The following PKHD1L1 variants were observed in gnomAD, a reference collection of about 807,000 sequenced individuals.
PKHD1L1 encodes the protein PKHD1 like 1.
PKHD1L1 carries 434 observed loss-of-function variants against 462.9 expected under a neutral mutation model. That is an observed-to-expected ratio of 0.94 (90% confidence interval 0.87 to 1.02). The LOEUF is 1.02. Among genes scored for constraint, PKHD1L1 ranks in the 50% least tolerant of loss-of-function variants. The pLI, the probability that PKHD1L1 is intolerant of heterozygous loss-of-function variation, is 0.00. For missense variants in PKHD1L1, 5,202 were observed against 5,096.1 expected (o/e 1.02, Z -0.63); for synonymous variants, 1,781 against 1,750.0 (o/e 1.02, Z -0.44).
Position 109,454,217 on chromosome 8 carries a change from A to G in PKHD1L1, c.6715A>G (p.Ile2239Val), listed in dbSNP as rs267601717. ...EADIELQAENILITDGGVLQI... is the reference protein window; with the variant it reads ...EADIELQAENVLITDGGVLQI... ...TGACATTGAACTCCAGGCAGAAAAT[A>G]TTCTAATTACAGATGGAGGTGTTCT... The change falls in exon 44 of 78, where the codon ATT becomes GTT. Residue 2239 changes from isoleucine (I) to valine (V), a missense_variant. Physicochemically the swap from Ile to Val is conservative, Grantham distance 29. Transcript: ENST00000378402. The G allele has an allele frequency of 6.2e-7, 1 of 1,608,184 alleles. No homozygotes were observed. Among genetic ancestry groups the G allele is most frequent in the African/African-American group, 1.3e-5 (1 of 74,944 alleles).
At position 109,440,727 on chromosome 8, in the gene PKHD1L1, C is replaced by A; in HGVS notation, c.3974C>A (p.Ser1325Ter). The A allele has an allele frequency of 6.2e-7, 1 of 1,611,034 alleles. No homozygotes were observed. The highest frequency in any genetic ancestry group is 8.5e-7 in the Non-Finnish European group (1 of 1,178,250). ...FASTRDKLNSSIQYVLEVTSM... is the reference protein window; with the variant it reads ...FASTRDKLNS ...TTTCTCAGAGACAAATTAAATTCTT[C>A]AATACAGTATGTTTTAGAAGTGACC... Residue 1325 changes from serine to a stop codon, truncating the protein, a stop_gained, in exon 33 of 78, where the codon TCA becomes TAA. Transcript: ENST00000378402. LOFTEE classifies it high-confidence loss of function.
intron 27 of PKHD1L1, among the ~76,000 whole-genome samples, chr8:109,432,112 GT>G (rs1443194466): frequency 2.0e-5 from 3 of 152,080 alleles, no homozygotes; most frequent in Non-Finnish European, 4.4e-5. Flanking sequence ...TCTGCAAAGT[GT>G]TAGCATCCTT....
intron 13 of PKHD1L1, 68 bp from the exon 14 acceptor site, chr8:109,401,429 T>C: frequency 1.2e-6 from 1 of 804,820 alleles, no homozygotes; most frequent in Non-Finnish European, 2.0e-6. Context: ...AAATGATAAA[T>C]AAATAAATGT....
intron 1 of PKHD1L1, 87 bp from the exon 2 acceptor site, chr8:109,364,460 C>G: frequency 1.1e-6 from 1 of 882,186 alleles, no homozygotes; most frequent in Non-Finnish European, 1.8e-6. Context: ...GTTTTCCTTG[C>G]AACCTTGTGG....
chr8:109,477,446 C>G (rs1818048905), intron 53 of PKHD1L1, 50 bp downstream of exon 53: 1 of 1,467,360 alleles, frequency 6.8e-7, no homozygotes. Flanking sequence ...TTAACATAAT[C>G]CTTTTCACAT....
chr8:109,399,453 GA>G (rs1813158556), intron 12 of PKHD1L1, among the ~76,000 whole-genome samples: 1 of 152,008 alleles, frequency 6.6e-6, no homozygotes. Context: ...TTCTGATTAG[GA>G]AAAAATTTAA....
At chr8:109,368,622 C>T (rs1811343478) in intron 2 of PKHD1L1, among the ~76,000 whole-genome samples, 2 of 152,182 alleles carry the variant, frequency 1.3e-5, no homozygotes, top group African/African-American at 4.8e-5. Context: ...GTTTTGAATG[C>T]TACAACTTTT....
intron 2 of PKHD1L1, among the ~76,000 whole-genome samples, chr8:109,373,868 C>G (rs1185539544): frequency 6.6e-6 from 1 of 151,874 alleles, no homozygotes; most frequent in Non-Finnish European, 1.5e-5. Flanking sequence ...TGGTCTGAGA[C>G]AGTTTTTTAT....
At chr8:109,375,268 T>C (rs745703739) in intron 2 of PKHD1L1, among the ~76,000 whole-genome samples, 13 of 152,240 alleles carry the variant, frequency 8.5e-5, no homozygotes, top group Non-Finnish European at 1.6e-4. Context: ...CCATCGCTGA[T>C]ACCCTATCTT....
intron 57 of PKHD1L1, among the ~76,000 whole-genome samples, chr8:109,484,621 C>A (rs549076136): frequency 1.3e-5 from 2 of 151,826 alleles, no homozygotes; most frequent in African/African-American, 2.4e-5. Context: ...TGCCCTTTAA[C>A]TTTCCTCGGG....
At chr8:109,513,972 T>C (rs1820135713) in intron 71 of PKHD1L1, among the ~76,000 whole-genome samples, 5 of 152,052 alleles carry the variant, frequency 3.3e-5, no homozygotes. Flanking sequence ...ATCACGTCTC[T>C]CCCATGCCCC....
At chr8:109,383,084 GTTA>G (rs1210924359) in intron 4 of PKHD1L1, among the ~76,000 whole-genome samples, 14 of 103,754 alleles carry the variant, frequency 1.3e-4, no homozygotes, top group East Asian at 2.7e-4. Context: ...TATATAAATA[GTTA>G]TTATATATAA....
intron 2 of PKHD1L1, among the ~76,000 whole-genome samples, chr8:109,377,646 G>C (rs548805954): frequency 2.6e-5 from 4 of 152,124 alleles, no homozygotes; most frequent in Non-Finnish European, 4.4e-5. Context: ...GGCAAAAGCT[G>C]TTTATTTCCT....
chr8:109,460,131 T>A lies in PKHD1L1; in HGVS notation c.7246+295T>A, dbSNP rs145521375. Among the ~76,000 whole-genome samples, 21 of 152,262 alleles carry A rather than the reference T, an allele frequency of 1.4e-4. 1 individual carries two copies. The East Asian group carries it at 3.9e-3, about 28-fold the overall frequency. ...AATAAGTGCACTTGGATTCTGTTGATAAATTATCTTCCTATAATTATGATT... is the reference window on the plus strand; with the variant it reads ...AATAAGTGCACTTGGATTCTGTTGAAAAATTATCTTCCTATAATTATGATT... On this transcript the variant is annotated intron_variant, in intron 47 of 77. Transcript: ENST00000378402.
intron 76 of PKHD1L1, among the ~76,000 whole-genome samples, chr8:109,526,041 T>C (rs1027815179): frequency 6.6e-6 from 1 of 152,200 alleles, no homozygotes; most frequent in Non-Finnish European, 1.5e-5. Context: ...AATGATAGCA[T>C]AGACCCAAAA....
At chr8:109,455,492 G>A (rs768590908) in intron 45 of PKHD1L1, among the ~76,000 whole-genome samples, 15 of 152,002 alleles carry the variant, frequency 9.9e-5, no homozygotes, top group Admixed American at 5.2e-4. Flanking sequence ...TACACTAACC[G>A]TAGTACCTGT....
chr8:109,507,646 T>C lies in PKHD1L1; in HGVS notation c.10995-17T>C. The C allele has an allele frequency of 6.3e-7, 1 of 1,593,294 alleles. No homozygotes were observed. Among genetic ancestry groups the C allele is most frequent in the Admixed American group, 1.7e-5 (1 of 59,738 alleles). ...CTCTAGAAACAATGAACTGAATAAT[T>C]CAACTTTTCTCCACAGTAAGGTCAA... On this transcript the variant is annotated splice_polypyrimidine_tract_variant and intron_variant, in intron 68 of 77. Coordinates refer to ENST00000378402, the MANE Select transcript of PKHD1L1 (RefSeq NM_177531.6).
intron 24 of PKHD1L1, among the ~76,000 whole-genome samples, chr8:109,426,387 G>C (rs899418746): frequency 6.6e-6 from 1 of 151,740 alleles, no homozygotes; most frequent in Non-Finnish European, 1.5e-5. Flanking sequence ...TTTGATATTT[G>C]TGAATTGATA....
At chr8:109,463,238 A>C (rs1487257812) in intron 48 of PKHD1L1, among the ~76,000 whole-genome samples, 2 of 152,182 alleles carry the variant, frequency 1.3e-5, no homozygotes, top group African/African-American at 2.4e-5. Context: ...AGGCTGTATA[A>C]TCACGGTTTG....
Sources: allele counts gnomAD v4.1 joint callset (sites outside exome capture counted in the v4.1 genomes callset), GRCh38; gene constraint gnomAD v4.1.1; transcripts MANE v1.5; gene names NCBI Gene and HGNC (gene_info 2026-07-23, HGNC 2026-07-21).